The following PTPRQ variants were observed in gnomAD, a reference collection of about 807,000 sequenced individuals.
The protein encoded by PTPRQ is phosphatidylinositol phosphatase PTPRQ.
Under a neutral mutation model 246.0 loss-of-function variants are expected in PTPRQ, and 199 were observed. That is an observed-to-expected ratio of 0.81 (90% CI 0.72 to 0.91). The LOEUF is 0.91. Among genes scored for constraint, PTPRQ ranks in the 40% least tolerant of loss-of-function variants. The pLI is 0.00. For missense variants in PTPRQ, 2,624 were observed against 2,528.4 expected (o/e 1.04, Z -0.81); for synonymous variants, 869 against 853.2 (o/e 1.02, Z -0.32).
At chr12:80,535,154 A>T (rs1414677026) in intron 19 of PTPRQ, 117 bp downstream of exon 19, 1 of 1,052,546 alleles carries the variant, frequency 9.5e-7, no homozygotes, top group African/African-American at 1.7e-5. Flanking sequence ...GCACAGATGT[A>T]TTTTATAAAA....
Position 80,585,610 on chromosome 12 carries a change from T to C in PTPRQ, c.4286-2519T>C, listed in dbSNP as rs932312577. The stretch of plus-strand genomic sequence containing the variant: ...ACCAGTCACTCAGTCCTTCTTGTTA[T>C]TCTCCAAATATACCAGGCATGCCTC... On this transcript the variant is annotated intron_variant, in intron 25 of 44. Coordinates refer to ENST00000644991, the MANE Select transcript of PTPRQ (RefSeq NM_001145026.2). Among the ~76,000 whole-genome samples the C allele has an allele frequency of 9.2e-5, 14 of 152,304 alleles. 2 individuals carry two copies. The South Asian group carries it at 2.9e-3, about 32-fold the overall frequency.
chr12:80,566,522 T>C (rs1364433002), intron 25 of PTPRQ, among the ~76,000 whole-genome samples: 2 of 152,106 alleles, frequency 1.3e-5, no homozygotes, highest in Non-Finnish European at 2.9e-5. Flanking sequence ...CTAATTAAAA[T>C]AACGCTACTT....
chr12:80,588,020 A>G, intron 25 of PTPRQ, 109 bp from the exon 26 acceptor site: 1 of 1,154,408 alleles, frequency 8.7e-7, no homozygotes, highest in Non-Finnish European at 1.2e-6. Context: ...GAGCTATAGT[A>G]ATTTGACAGA....
At chr12:80,569,322 TG>T (rs1181017006) in intron 25 of PTPRQ, among the ~76,000 whole-genome samples, 2 of 143,764 alleles carry the variant, frequency 1.4e-5, no homozygotes, top group Non-Finnish European at 3.0e-5. Flanking sequence ...TAGTATTCCA[TG>T]GTGTATATGT....
chr12:80,609,168 T>C (rs1898451002), intron 27 of PTPRQ, among the ~76,000 whole-genome samples: 1 of 150,556 alleles, frequency 6.6e-6, no homozygotes, highest in Non-Finnish European at 1.5e-5. Context: ...GCAACATCTT[T>C]TTTTTAAAAA....
At chr12:80,622,026 T>A (rs1899011093) in intron 32 of PTPRQ, 35 bp from the exon 33 acceptor site, 1 of 1,245,706 alleles carries the variant, frequency 8.0e-7, no homozygotes, top group Admixed American at 3.6e-5. Flanking sequence ...TCACATGATA[T>A]GCAAAGTGTT....
intron 15 of PTPRQ, 146 bp downstream of exon 15, chr12:80,506,352 G>T: frequency 1.1e-6 from 1 of 938,112 alleles, no homozygotes; most frequent in Non-Finnish European, 1.5e-6. Flanking sequence ...GGAGTTTATT[G>T]CAGGTCACAT....
chr12:80,523,969 A>T (rs1895598615), intron 17 of PTPRQ, among the ~76,000 whole-genome samples: 1 of 152,072 alleles, frequency 6.6e-6, no homozygotes, highest in African/African-American at 2.4e-5. Flanking sequence ...GGGGGTGTTA[A>T]AGTCTCCCAT....
chr12:80,505,255 T>C (rs929102202), intron 14 of PTPRQ, among the ~76,000 whole-genome samples: 1 of 151,960 alleles, frequency 6.6e-6, no homozygotes, highest in African/African-American at 2.4e-5. Flanking sequence ...TTTTGTTTAC[T>C]TGTTTGTTTT....
chr12:80,569,738 G>T (rs1266722445), intron 25 of PTPRQ, among the ~76,000 whole-genome samples: 3 of 143,298 alleles, frequency 2.1e-5, no homozygotes, highest in East Asian at 2.1e-4. Flanking sequence ...CCATCCCCTA[G>T]CCCCCCACCC....
chr12:80,447,351 G>A (rs1454151974), intron 3 of PTPRQ, among the ~76,000 whole-genome samples: 2 of 151,880 alleles, frequency 1.3e-5, no homozygotes, highest in African/African-American at 4.8e-5. Flanking sequence ...TAGGTTTTCT[G>A]TTTACTCTGT....
At chr12:80,587,564 A>G (rs1280349054) in intron 25 of PTPRQ, among the ~76,000 whole-genome samples, 2 of 152,206 alleles carry the variant, frequency 1.3e-5, no homozygotes, top group Non-Finnish European at 2.9e-5. Flanking sequence ...AAGCAAATAA[A>G]TGACTCCAAG....
At chr12:80,587,239 T>G (rs1295701135) in intron 25 of PTPRQ, among the ~76,000 whole-genome samples, 1 of 152,194 alleles carries the variant, frequency 6.6e-6, no homozygotes, top group Non-Finnish European at 1.5e-5. Flanking sequence ...TTATTAATTT[T>G]CTTATTTTAA....
chr12:80,518,174 T>C (rs1895363887), intron 17 of PTPRQ, among the ~76,000 whole-genome samples: 1 of 152,174 alleles, frequency 6.6e-6, no homozygotes, highest in Admixed American at 6.5e-5. Flanking sequence ...AGAAGAGCTA[T>C]TTTAACTGGG....
intron 8 of PTPRQ, among the ~76,000 whole-genome samples, chr12:80,475,894 G>T (rs546899295): frequency 2.8e-4 from 43 of 152,158 alleles, no homozygotes; most frequent in Admixed American, 1.3e-3. Context: ...CAAAATAAGA[G>T]ACAGTAAAAT....
At chr12:80,566,469 C>A (rs1896983027) in intron 25 of PTPRQ, among the ~76,000 whole-genome samples, 1 of 151,838 alleles carries the variant, frequency 6.6e-6, no homozygotes. Flanking sequence ...CAGAGCGAGA[C>A]TCCATCTCAA....
chr12:80,673,296 C>G lies in PTPRQ; in HGVS notation c.6730C>G (p.Gln2244Glu). 1 of 1,549,162 alleles carries G rather than the reference C, an allele frequency of 6.5e-7. No homozygotes were observed. Among genetic ancestry groups the G allele is most frequent in the Non-Finnish European group, 8.7e-7 (1 of 1,145,670 alleles). ...GAGAAGTGAAAGAATGTGCATGGTGCAGAATCTGGTAAGATCTCTAAACCT... is the reference window on the plus strand; with the variant it reads ...GAGAAGTGAAAGAATGTGCATGGTGGAGAATCTGGTAAGATCTCTAAACCT... ...ELRSERMCMV[Q>E]NLAQYIFLHQ... The change falls in exon 43 of 45, where the codon CAG (glutamine) becomes GAG (glutamate). Residue 2244 changes from glutamine to glutamate, a missense_variant. Gln to Glu is a conservative substitution (Grantham distance 29). Coordinates refer to ENST00000644991, the MANE Select transcript of PTPRQ (RefSeq NM_001145026.2).
At chr12:80,584,769 A>G (rs576781066) in intron 25 of PTPRQ, among the ~76,000 whole-genome samples, 2 of 152,188 alleles carry the variant, frequency 1.3e-5, no homozygotes, top group Non-Finnish European at 2.9e-5. Flanking sequence ...TCTGATTTAT[A>G]TTAGAATATT....
chr12:80,535,854 T>G lies in PTPRQ; in HGVS notation c.2985+817T>G, dbSNP rs568471556. Among the ~76,000 whole-genome samples, 54 of 152,302 alleles carry G rather than the reference T, an allele frequency of 3.5e-4. 1 individual carries two copies. The highest frequency in any genetic ancestry group is 1.6e-3 in the Admixed American group (24 of 15,292). On this transcript the variant is annotated intron_variant, in intron 19 of 44. Coordinates refer to ENST00000644991, the MANE Select transcript of PTPRQ (RefSeq NM_001145026.2). ...CGGGCGTGGTGGCTCACGCCTGTAA[T>G]CCCAGCACTTTGGGAGGCCGAGGCG...
Sources: allele counts gnomAD v4.1 joint callset (sites outside exome capture counted in the v4.1 genomes callset), GRCh38; gene constraint gnomAD v4.1.1; transcripts MANE v1.5; gene names NCBI Gene and HGNC (gene_info 2026-07-23, HGNC 2026-07-21).